GRID2: variants seen among roughly 807,000 people sequenced by gnomAD.
GRID2 encodes the protein glutamate receptor ionotropic, delta-2.
Under a neutral mutation model 114.8 loss-of-function variants are expected in GRID2, and 33 were observed. That is an observed-to-expected ratio of 0.29 (90% CI 0.22 to 0.38). The LOEUF is 0.38. Among genes scored for constraint, GRID2 ranks in the 10% least tolerant of loss-of-function variants. The probability of loss-of-function intolerance (pLI) is 1.00; values close to 1 mark genes in which losing one functional copy is unlikely to be tolerated. For missense variants in GRID2, 1,184 were observed against 1,257.7 expected (o/e 0.94, Z 0.89); for synonymous variants, 505 against 449.9 (o/e 1.12, Z -1.55).
At chr4:93,020,180 T>C (rs1187252190) in intron 2 of GRID2, among the ~76,000 whole-genome samples, 2 of 152,212 alleles carry the variant, frequency 1.3e-5, no homozygotes, top group Non-Finnish European at 2.9e-5. Flanking sequence ...TAAAGTTTTA[T>C]TGAGGTAATA....
intron 8 of GRID2, among the ~76,000 whole-genome samples, chr4:93,316,360 GAAAAGAAAAAGAAAGAAAGAAAGAA>G (rs1756656721): frequency 7.6e-6 from 1 of 131,050 alleles, no homozygotes; most frequent in Non-Finnish European, 1.6e-5. Context: ...AGGAAGGAAG[GAAAAGAAAAAGAAAGAAAGAAAGAA>G]TAGAAAAGGA....
chr4:93,137,844 C>T (rs946791978), intron 4 of GRID2, among the ~76,000 whole-genome samples: 2 of 151,230 alleles, frequency 1.3e-5, no homozygotes, highest in South Asian at 4.2e-4. Flanking sequence ...AAAATTAAAA[C>T]ACAAATTTAT....
intron 13 of GRID2, among the ~76,000 whole-genome samples, chr4:93,519,156 A>G (rs188212890): frequency 6.6e-6 from 1 of 152,278 alleles, no homozygotes; most frequent in African/African-American, 2.4e-5. Flanking sequence ...GCTGTCTAGA[A>G]CATCCTAAGT....
intron 1 of GRID2, among the ~76,000 whole-genome samples, chr4:92,452,755 A>C (rs1355627557): frequency 6.6e-6 from 1 of 151,094 alleles, no homozygotes; most frequent in Non-Finnish European, 1.5e-5. Context: ...TAGTTTGTGA[A>C]TTGTTACCTG....
At chr4:92,585,307 T>G (rs1242328252) in intron 1 of GRID2, among the ~76,000 whole-genome samples, 2 of 152,036 alleles carry the variant, frequency 1.3e-5, no homozygotes, top group Non-Finnish European at 2.9e-5. Context: ...TTGCTAACTT[T>G]CAGTTAAGTT....
intron 2 of GRID2, among the ~76,000 whole-genome samples, chr4:92,731,532 T>G (rs1736328633): frequency 6.6e-6 from 1 of 151,982 alleles, no homozygotes; most frequent in African/African-American, 2.4e-5. Flanking sequence ...AGTATATTTC[T>G]ACACAATGTA....
At position 93,774,152 on chromosome 4, in the gene GRID2, G is replaced by A. The variant is rs1355625110; in HGVS notation, c.*1654G>A. On this transcript the variant is annotated 3_prime_UTR_variant, in exon 16 of 16. Transcript: ENST00000282020. Reference sequence around the variant, plus strand: ...ATTTTGATGCTAATTCTGTTCTGGGGAGCATCTTGTATTGTCACTGTTTTG... The same window carrying A: ...ATTTTGATGCTAATTCTGTTCTGGGAAGCATCTTGTATTGTCACTGTTTTG... The A allele has an allele frequency of 1.3e-5, 2 of 152,020 alleles. No homozygotes were observed. Among genetic ancestry groups the A allele is most frequent in the Non-Finnish European group, 2.9e-5 (2 of 67,948 alleles). 9.4% of individuals were successfully genotyped at this position (152,020 alleles called of 1,614,324 possible). A position where few individuals can be genotyped will look rare whatever the true frequency, so the allele number is the denominator to read the frequency against.
At chr4:93,806,029 G>A (rs1735022009) in intron 1 of GRID2, among the ~76,000 whole-genome samples, 1 of 152,086 alleles carries the variant, frequency 6.6e-6, no homozygotes, top group Non-Finnish European at 1.5e-5. Context: ...TCCCAGAGGT[G>A]GAGGTTGCAG....
chr4:93,468,330 T>A (rs1303923599), intron 11 of GRID2, among the ~76,000 whole-genome samples: 1 of 152,068 alleles, frequency 6.6e-6, no homozygotes, highest in African/African-American at 2.4e-5. Context: ...ATGGAGCTCA[T>A]CTTCTAGTAG....
At chr4:92,352,334 GATTATTTT>G (rs1310228645) in intron 1 of GRID2, among the ~76,000 whole-genome samples, 1 of 70,820 alleles carries the variant, frequency 1.4e-5, no homozygotes, top group Non-Finnish European at 2.8e-5. Flanking sequence ...TGTTAAATTG[GATTATTTT>G]ATTATTATTA....
At chr4:92,732,257 A>G (rs2149325224) in intron 2 of GRID2, among the ~76,000 whole-genome samples, 1 of 152,116 alleles carries the variant, frequency 6.6e-6, no homozygotes, top group East Asian at 1.9e-4. Context: ...ATGTTTGTAT[A>G]TATTTAATTT....
At chr4:92,641,158 G>T in intron 2 of GRID2, among the ~76,000 whole-genome samples, 1 of 151,732 alleles carries the variant, frequency 6.6e-6, no homozygotes, top group East Asian at 1.9e-4. Flanking sequence ...GCCTGGTATG[G>T]AGGAGATGAA....
At chr4:93,460,104 A>C (rs952612213) in intron 11 of GRID2, among the ~76,000 whole-genome samples, 3 of 152,316 alleles carry the variant, frequency 2.0e-5, no homozygotes, top group Admixed American at 6.5e-5. Context: ...TATACGATTC[A>C]CATACTTGCA....
intron 13 of GRID2, among the ~76,000 whole-genome samples, chr4:93,614,608 G>C (rs1260978914): frequency 1.3e-5 from 2 of 151,902 alleles, no homozygotes; most frequent in Non-Finnish European, 2.9e-5. Context: ...TAAACAACAG[G>C]ACGAGTTAAC....
At chr4:93,155,825 A>T (rs1266022094) in intron 4 of GRID2, among the ~76,000 whole-genome samples, 2 of 151,832 alleles carry the variant, frequency 1.3e-5, no homozygotes, top group Non-Finnish European at 2.9e-5. Context: ...TGGGAAGGGT[A>T]GCGAGGGCAT....
chr4:92,625,304 AC>A (rs1471441684), intron 2 of GRID2, among the ~76,000 whole-genome samples: 1 of 151,840 alleles, frequency 6.6e-6, no homozygotes, highest in East Asian at 1.9e-4. Context: ...TTGTGCTATC[AC>A]AAAATCTTAG....
intron 2 of GRID2, among the ~76,000 whole-genome samples, chr4:93,015,168 A>T (rs896233466): frequency 2.0e-5 from 3 of 152,172 alleles, no homozygotes; most frequent in Non-Finnish European, 4.4e-5. Context: ...AAAAAAAGGT[A>T]TTTTAACTTT....
intron 4 of GRID2, among the ~76,000 whole-genome samples, chr4:93,158,867 G>A (rs1416034361): frequency 1.3e-5 from 2 of 151,100 alleles, no homozygotes; most frequent in African/African-American, 4.9e-5. Context: ...TTTTTTTTCA[G>A]AAGGTGCTGA....
chr4:92,329,701 A>G (rs1448238758), intron 1 of GRID2, among the ~76,000 whole-genome samples: 1 of 152,006 alleles, frequency 6.6e-6, no homozygotes, highest in East Asian at 1.9e-4. Context: ...ACACTCAAAA[A>G]TCTTGTCTTC....
Sources: gnomAD v4.1 joint callset for allele counts (sites outside exome capture counted in the v4.1 genomes callset) on GRCh38, gnomAD v4.1.1 for gene constraint, MANE v1.5 for transcripts, NCBI Gene and HGNC (gene_info 2026-07-23, HGNC 2026-07-21) for gene names.